The following EPHA3 variants were observed in gnomAD, a reference collection of about 807,000 sequenced individuals.
EPHA3 encodes the protein ephrin type-A receptor 3.
EPHA3 carries 42 observed loss-of-function variants against 107.1 expected under a neutral mutation model. The ratio of observed to expected loss-of-function variants is 0.39; its 90% CI spans 0.31 to 0.51. The LOEUF (loss-of-function observed/expected upper bound fraction) is 0.51. Among genes scored for constraint, EPHA3 ranks in the 20% least tolerant of loss-of-function variants. The pLI, the probability that EPHA3 is intolerant of heterozygous loss-of-function variation, is 0.78. For synonymous variants in EPHA3, 461 were observed against 424.8 expected (o/e 1.09, Z -1.05); for missense variants, 1,183 against 1,211.2 (o/e 0.98, Z 0.35).
At chr3:89,270,531 C>A (rs1474878986) in intron 3 of EPHA3, among the ~76,000 whole-genome samples, 1 of 152,018 alleles carries the variant, frequency 6.6e-6, no homozygotes, top group Admixed American at 6.6e-5. Context: ...AATTGTGTAG[C>A]CTGAGTATGA....
chr3:89,450,644 G>A (rs1709967279), intron 15 of EPHA3, among the ~76,000 whole-genome samples: 1 of 152,076 alleles, frequency 6.6e-6, no homozygotes, highest in African/African-American at 2.4e-5. Flanking sequence ...ATACTGGAGG[G>A]GTGCGGTGGC....
At chr3:89,243,992 C>T (rs6771477) in intron 3 of EPHA3, among the ~76,000 whole-genome samples, 1 of 151,858 alleles carries the variant, frequency 6.6e-6, no homozygotes, top group Admixed American at 6.6e-5. Context: ...ATTGTCTCCC[C>T]TATTACTTCT....
chr3:89,471,765 AATATT>A (rs1352136734), intron 15 of EPHA3, among the ~76,000 whole-genome samples: 1 of 151,742 alleles, frequency 6.6e-6, no homozygotes, highest in African/African-American at 2.4e-5. Context: ...ATATATATAA[AATATT>A]ATGTATATAT....
intron 5 of EPHA3, among the ~76,000 whole-genome samples, chr3:89,360,654 C>T (rs1461888720): frequency 6.6e-6 from 1 of 151,042 alleles, no homozygotes; most frequent in Non-Finnish European, 1.5e-5. Context: ...CCCAGATTAT[C>T]GAAAATGCTC....
At chr3:89,166,993 G>A (rs1440471742) in intron 2 of EPHA3, among the ~76,000 whole-genome samples, 5 of 152,230 alleles carry the variant, frequency 3.3e-5, no homozygotes, top group Non-Finnish European at 4.4e-5. Context: ...TCCTCAAAAT[G>A]TGTCTGAGGT....
intron 11 of EPHA3, among the ~76,000 whole-genome samples, chr3:89,425,888 G>A (rs1262403932): frequency 2.6e-5 from 4 of 151,518 alleles, no homozygotes; most frequent in African/African-American, 9.7e-5. Flanking sequence ...TAATAGCTCC[G>A]AGCCACTGGG....
chr3:89,262,122 T>C (rs1705431764), intron 3 of EPHA3, among the ~76,000 whole-genome samples: 1 of 152,142 alleles, frequency 6.6e-6, no homozygotes, highest in African/African-American at 2.4e-5. Context: ...CTCGTATTCA[T>C]ATCTACATGG....
At chr3:89,321,350 T>C (rs563675575) in intron 3 of EPHA3, among the ~76,000 whole-genome samples, 48 of 152,142 alleles carry the variant, frequency 3.2e-4, no homozygotes, top group African/African-American at 1.1e-3. Context: ...CCTCCTAGTC[T>C]GAAGCTATTC....
intron 3 of EPHA3, among the ~76,000 whole-genome samples, chr3:89,303,353 G>A (rs1435308013): frequency 6.7e-6 from 1 of 149,506 alleles, no homozygotes; most frequent in African/African-American, 2.5e-5. Context: ...TTCTATCCCA[G>A]CACCAGTTAT....
intron 13 of EPHA3, among the ~76,000 whole-genome samples, chr3:89,440,825 G>A (rs1709768255): frequency 6.6e-6 from 1 of 152,072 alleles, no homozygotes; most frequent in Non-Finnish European, 1.5e-5. Flanking sequence ...TACCTTTTCT[G>A]TAAAACTCTA....
chr3:89,186,598 C>G (rs907944201), intron 2 of EPHA3, among the ~76,000 whole-genome samples: 2 of 151,940 alleles, frequency 1.3e-5, no homozygotes, highest in Non-Finnish European at 2.9e-5. Context: ...CATTTATTAG[C>G]CCTAAATATT....
intron 5 of EPHA3, among the ~76,000 whole-genome samples, chr3:89,369,179 C>T (rs975468374): frequency 6.0e-5 from 9 of 150,802 alleles, no homozygotes; most frequent in African/African-American, 2.2e-4. Context: ...AAAAAAAGAG[C>T]CCGCATCACC....
chr3:89,137,495 C>G (rs75797525), intron 2 of EPHA3, among the ~76,000 whole-genome samples: 1 of 151,972 alleles, frequency 6.6e-6, no homozygotes, highest in East Asian at 1.9e-4. Flanking sequence ...ATACTTTTTA[C>G]GTAAGTCCCA....
In EPHA3 at chr3:89,193,708, A is replaced by T. The variant is rs551195688; in HGVS notation, c.154-16152A>T. Among the ~76,000 whole-genome samples, 238 of 152,142 alleles carry T rather than the reference A, an allele frequency of 1.6e-3. 1 individual carries two copies. Among genetic ancestry groups the T allele is most frequent in the African/African-American group, 5.5e-3 (230 of 41,566 alleles). ...ATGTGCCCTATGAATATATACAATT[A>T]TTGTCAATTAAAATAATATTTTAAA... On this transcript the variant is annotated intron_variant, in intron 2 of 16. Coordinates refer to ENST00000336596, the MANE Select transcript of EPHA3 (RefSeq NM_005233.6).
intron 2 of EPHA3, among the ~76,000 whole-genome samples, chr3:89,137,704 T>G (rs183722248): frequency 1.3e-5 from 2 of 152,064 alleles, no homozygotes; most frequent in East Asian, 3.9e-4. Context: ...TCCTTGGGAG[T>G]TGCTAAAATC....
chr3:89,435,144 T>G (rs1015866304), intron 13 of EPHA3, among the ~76,000 whole-genome samples: 18 of 151,326 alleles, frequency 1.2e-4, no homozygotes. Flanking sequence ...GTTTTCCTTT[T>G]GGAAATAAAT....
intron 13 of EPHA3, among the ~76,000 whole-genome samples, chr3:89,442,678 T>A (rs952631533): frequency 1.3e-5 from 2 of 152,128 alleles, no homozygotes; most frequent in African/African-American, 4.8e-5. Context: ...GGAGTGGGGA[T>A]CAAATGTTTC....
intron 15 of EPHA3, among the ~76,000 whole-genome samples, chr3:89,451,687 G>C (rs1709993295): frequency 6.6e-6 from 1 of 152,068 alleles, no homozygotes; most frequent in Admixed American, 6.6e-5. Flanking sequence ...TGACTTGTGG[G>C]TCATTCTGCC....
In EPHA3 at chr3:89,449,339, G is replaced by A. The variant is rs758657242; in HGVS notation, c.2461G>A (p.Gly821Arg). 1 of 1,603,224 alleles carries A rather than the reference G, an allele frequency of 6.2e-7. No individual in the cohort carries two copies. Among genetic ancestry groups the A allele is most frequent in the Non-Finnish European group, 8.5e-7 (1 of 1,172,656 alleles). ...TGTTCTCTGGGAGGTGATGTCTTAT[G>A]GAGAGAGACCATACTGGGAGATGTC... ...GIVLWEVMSY[G>R]ERPYWEMSNQ... The change falls in exon 14 of 17, where the codon GGA becomes AGA. Residue 821 changes from glycine to arginine, a missense_variant. Gly to Arg is a moderately radical substitution (Grantham distance 125). Coordinates refer to ENST00000336596, the MANE Select transcript of EPHA3 (RefSeq NM_005233.6).
Sources: allele counts gnomAD v4.1 joint callset (sites outside exome capture counted in the v4.1 genomes callset), GRCh38; gene constraint gnomAD v4.1.1; transcripts MANE v1.5; gene names NCBI Gene and HGNC (gene_info 2026-07-23, HGNC 2026-07-21).